The following QSOX1 variants were observed in gnomAD, a reference collection of about 807,000 sequenced individuals.
QSOX1 encodes sulfhydryl oxidase 1.
Under a neutral mutation model 76.1 loss-of-function variants are expected in QSOX1, and 40 were observed. The observed-to-expected ratio is 0.53, with a 90% CI of 0.41 to 0.68. The LOEUF (loss-of-function observed/expected upper bound fraction) is 0.68. Ranked by LOEUF, QSOX1 falls within the 30% of genes least tolerant of loss-of-function variation. The pLI, the probability that QSOX1 is intolerant of heterozygous loss-of-function variation, is 0.00. For synonymous variants in QSOX1, 392 were observed against 413.1 expected, an observed-to-expected ratio of 0.95 and a Z score of 0.62; for missense variants, 931 against 974.3, an observed-to-expected ratio of 0.96 and a Z score of 0.59.
chr1:180,169,033 C>T (rs72710702), intron 2 of QSOX1, among the ~76,000 whole-genome samples: 8,059 of 152,386 alleles, frequency 0.053, 307 homozygotes, highest in Non-Finnish European at 0.088. Context: ...CTGTCCTTTT[C>T]TTCTGTCTCC....
intron 2 of QSOX1, among the ~76,000 whole-genome samples, chr1:180,173,472 G>A (rs1662808140): frequency 6.6e-6 from 1 of 152,220 alleles, no homozygotes; most frequent in Non-Finnish European, 1.5e-5. Flanking sequence ...ATTTAAATAT[G>A]TGTGGTATGT....
chr1:180,178,866 C>A lies in QSOX1; in HGVS notation c.588C>A (p.Gly196=). The A allele has an allele frequency of 6.2e-7, 1 of 1,613,792 alleles. No individual in the cohort carries two copies. The highest frequency in any genetic ancestry group is 8.5e-7 in the Non-Finnish European group (1 of 1,179,696). The change falls in exon 5 of 12, where the codon GGC becomes GGA. Residue 196 remains glycine, a synonymous_variant. Transcript: ENST00000367602. ...TGGCTCTGATCTTTGAAAAGGGAGGCTCCTACCTGGGTAGAGAGGTGAGCT... is the reference window on the plus strand; with the variant it reads ...TGGCTCTGATCTTTGAAAAGGGAGGATCCTACCTGGGTAGAGAGGTGAGCT... ...EYLALIFEKG[G]SYLGREVALD...
At chr1:180,186,618 G>A (rs992327315) in intron 8 of QSOX1, among the ~76,000 whole-genome samples, 1 of 152,230 alleles carries the variant, frequency 6.6e-6, no homozygotes, top group African/African-American at 2.4e-5. Flanking sequence ...AGTCTGACCC[G>A]ATCCCTGGCC....
intron 10 of QSOX1, among the ~76,000 whole-genome samples, chr1:180,192,629 G>A (rs959885583): frequency 4.6e-5 from 7 of 152,188 alleles, no homozygotes; most frequent in African/African-American, 1.7e-4. Flanking sequence ...GGGTTGTGGG[G>A]CCTGAGCCTC....
At chr1:180,163,209 T>G (rs1175936417) in intron 1 of QSOX1, among the ~76,000 whole-genome samples, 2 of 152,102 alleles carry the variant, frequency 1.3e-5, no homozygotes, top group African/African-American at 4.8e-5. Flanking sequence ...CACAACTTCC[T>G]TGTATCCATT....
chr1:180,178,663 C>T, intron 4 of QSOX1, 131 bp from the exon 5 acceptor site: 1 of 761,012 alleles, frequency 1.3e-6, no homozygotes, highest in South Asian at 1.6e-5. Context: ...CCTTGGAGGG[C>T]CCTGTGTGGA....
chr1:180,196,325 C>T lies in QSOX1; in HGVS notation c.1532C>T (p.Ala511Val). ...TGGCCACCCCGTGAACTTTGTTCTG[C>T]CTGCCACAATGAACGCCTGGATGTG... is the stretch of plus-strand genomic sequence containing the variant. ...VQWPPRELCS[A>V]CHNERLDVPV... The change falls in exon 12 of 12, where the codon GCC becomes GTC. Residue 511 changes from alanine (A) to valine (V), a missense_variant. Physicochemically the swap from Ala to Val is moderately conservative, Grantham distance 64 (BLOSUM62 0). Transcript: ENST00000367602. This position sits in a 1 kb window ranked among gnomAD's most constrained non-coding sequence, Gnocchi z 4.1. The T allele has an allele frequency of 6.2e-7, 1 of 1,614,130 alleles. No homozygotes were observed. The highest frequency in any genetic ancestry group is 8.5e-7 in the Non-Finnish European group (1 of 1,180,020).
rs746343982 is a variant in QSOX1, at chr1:180,194,340, C to T, written c.1416C>T (p.Ala472=). The part of the protein sequence containing the change: ...ASMHRVGSPN[A]AVLWLWSSHN... ...TGCACCGGGTGGGGAGTCCCAACGCCGCTGTCCTCTGGCTCTGGTCTAGCC... is the reference window on the plus strand; with the variant it reads ...TGCACCGGGTGGGGAGTCCCAACGCTGCTGTCCTCTGGCTCTGGTCTAGCC... Residue 472 remains alanine, a synonymous_variant, in exon 11 of 12, where the codon GCC becomes GCT. Coordinates refer to ENST00000367602, the MANE Select transcript of QSOX1 (RefSeq NM_002826.5). The T allele has an allele frequency of 9.4e-6, 15 of 1,602,950 alleles. No homozygotes were observed. The highest frequency in any genetic ancestry group is 5.6e-5 in the South Asian group (5 of 89,884).
At chr1:180,195,233 C>T (rs139913850) in intron 11 of QSOX1, among the ~76,000 whole-genome samples, 1 of 152,238 alleles carries the variant, frequency 6.6e-6, no homozygotes, top group East Asian at 2.0e-4. Flanking sequence ...GGAGCCTGGG[C>T]CTGTCCCTGA....
At chr1:180,182,852 C>T (rs946678636) in intron 6 of QSOX1, among the ~76,000 whole-genome samples, 1 of 152,232 alleles carries the variant, frequency 6.6e-6, no homozygotes, top group African/African-American at 2.4e-5. Context: ...CCTCCCTGGG[C>T]AGATGATTGA....
intron 8 of QSOX1, 90 bp downstream of exon 8, chr1:180,186,272 C>G (rs534706929): frequency 6.6e-7 from 1 of 1,507,106 alleles, no homozygotes; most frequent in South Asian, 1.3e-5. Context: ...TCAGCCCCTC[C>G]CTCCAGAAGC....
At chr1:180,195,180 G>A (rs959355585) in intron 11 of QSOX1, among the ~76,000 whole-genome samples, 21 of 152,126 alleles carry the variant, frequency 1.4e-4, no homozygotes, top group African/African-American at 4.6e-4. Context: ...TGACCCTTCA[G>A]CCCCTTGACC....
In QSOX1 at chr1:180,199,186, G is replaced by A. The variant is rs1663578233; in HGVS notation, c.*2149G>A. On this transcript the variant is annotated 3_prime_UTR_variant, in exon 12 of 12. Transcript: ENST00000367602. ...AACGGGTGGGCCTCCTCAGCAGCGT[G>A]GCTGCCTTTCACCTTGATTTCCCCA... The A allele has an allele frequency of 6.6e-6, 1 of 152,214 alleles. No homozygotes were observed. The highest frequency in any genetic ancestry group is 6.5e-5 in the Admixed American group (1 of 15,278). 9.4% of individuals were successfully genotyped at this position (152,214 alleles called of 1,614,324 possible). A position where few individuals can be genotyped will look rare whatever the true frequency, so the allele number is the denominator to read the frequency against.
chr1:180,180,553 C>T (rs1478623243), intron 5 of QSOX1, among the ~76,000 whole-genome samples: 4 of 150,476 alleles, frequency 2.7e-5, no homozygotes, highest in Non-Finnish European at 4.4e-5. Context: ...CTCGCTCTGT[C>T]GCCCAGGCGG....
chr1:180,173,189 A>G (rs1447313220), intron 2 of QSOX1, among the ~76,000 whole-genome samples: 1 of 151,380 alleles, frequency 6.6e-6, no homozygotes, highest in Non-Finnish European at 1.5e-5. Context: ...CTTGAACTCC[A>G]GGGTTCAAGT....
At chr1:180,187,237 A>G (rs1284013528) in intron 8 of QSOX1, among the ~76,000 whole-genome samples, 1 of 152,206 alleles carries the variant, frequency 6.6e-6, no homozygotes, top group Admixed American at 6.5e-5. Flanking sequence ...ATTTCAGCCT[A>G]AGGCAGGACA....
intron 3 of QSOX1, 59 bp downstream of exon 3, chr1:180,175,425 C>T (rs1662865214): frequency 6.4e-7 from 1 of 1,568,402 alleles, no homozygotes; most frequent in Non-Finnish European, 8.8e-7. Context: ...TCCCTCTTCA[C>T]CTGGGTTTCT....
At chr1:180,175,407 C>T (rs1251342324) in intron 3 of QSOX1, 41 bp downstream of exon 3, 2 of 1,593,828 alleles carry the variant, frequency 1.3e-6, no homozygotes, top group East Asian at 2.2e-5. Context: ...CATCTTCCTC[C>T]CCCAACCTCC....
chr1:180,185,464 C>T (rs1361702317), intron 7 of QSOX1, among the ~76,000 whole-genome samples: 3 of 152,186 alleles, frequency 2.0e-5, no homozygotes, highest in African/African-American at 4.8e-5. Context: ...ATGAGGGCTG[C>T]GGAGAGGTGT....
Sources: allele counts gnomAD v4.1 joint callset (sites outside exome capture counted in the v4.1 genomes callset), GRCh38; gene constraint gnomAD v4.1.1; non-coding constraint Gnocchi (gnomAD v3.1); transcripts MANE v1.5; gene names NCBI Gene and HGNC (gene_info 2026-07-23, HGNC 2026-07-21).